NCKAP1: variants seen among roughly 807,000 people sequenced by gnomAD.
The protein encoded by NCKAP1 is nck-associated protein 1.
NCKAP1 carries 21 observed loss-of-function variants against 151.2 expected under a neutral mutation model. That is an observed-to-expected ratio of 0.14 (90% CI 0.10 to 0.20). The LOEUF is 0.20. Ranked by LOEUF, NCKAP1 falls within the 10% of genes least tolerant of loss-of-function variation. The pLI is 1.00. For missense variants in NCKAP1, 933 were observed against 1,352.1 expected (o/e 0.69, Z 4.86); for synonymous variants, 484 against 451.8 (o/e 1.07, Z -0.90).
In NCKAP1 at chr2:182,924,174, T is replaced by C. The variant is rs1696596935; in HGVS notation, c.*1528A>G. On this transcript the variant is annotated 3_prime_UTR_variant, in exon 31 of 31. Coordinates refer to ENST00000361354, the MANE Select transcript of NCKAP1 (RefSeq NM_013436.5). ...GGAACAAGTACAATTTTTCGACAGA[T>C]AGTGACAACTACTCCCTACTTTAAA... 6.6e-6 allele frequency: 1 copy of C among 152,200 alleles called. No individual in the cohort carries two copies. Among genetic ancestry groups the C allele is most frequent in the African/African-American group, 2.4e-5 (1 of 41,474 alleles). 9.4% of individuals were successfully genotyped at this position (152,200 alleles called of 1,614,324 possible).
chr2:182,942,416 A>G (rs1320054418), intron 23 of NCKAP1, among the ~76,000 whole-genome samples: 1 of 152,168 alleles, frequency 6.6e-6, no homozygotes, highest in African/African-American at 2.4e-5. Flanking sequence ...AAGTAGTAGG[A>G]TAAAGAATCA....
intron 2 of NCKAP1, 54 bp downstream of exon 2, chr2:183,023,750 ACT>A (rs1698838268): frequency 7.3e-7 from 1 of 1,375,052 alleles, no homozygotes; most frequent in African/African-American, 1.4e-5. Flanking sequence ...TGTGTTGACC[ACT>A]GTTTCTCTAA....
intron 23 of NCKAP1, among the ~76,000 whole-genome samples, chr2:182,944,318 T>C (rs911973160): frequency 1.8e-4 from 28 of 152,190 alleles, no homozygotes; most frequent in African/African-American, 6.5e-4. Flanking sequence ...TTAGTTGGTA[T>C]TGTGTTAAAA....
At chr2:183,015,752 C>T (rs1478614734) in intron 2 of NCKAP1, among the ~76,000 whole-genome samples, 1 of 149,456 alleles carries the variant, frequency 6.7e-6, no homozygotes, top group Non-Finnish European at 1.5e-5. Context: ...TAATTTTTTT[C>T]AACCAACATA....
intron 24 of NCKAP1, 26 bp downstream of exon 24, chr2:182,942,044 T>C (rs1426752541): frequency 6.4e-7 from 1 of 1,558,108 alleles, no homozygotes. Context: ...TTCTTATGTT[T>C]ATAAAAAGTA....
chr2:182,968,311 G>C (rs957385147), intron 15 of NCKAP1, among the ~76,000 whole-genome samples: 3 of 152,128 alleles, frequency 2.0e-5, no homozygotes, highest in Non-Finnish European at 4.4e-5. Flanking sequence ...TTTGAGTAAT[G>C]GTAGTTTAAA....
rs375546953 is a variant in NCKAP1 at position 183,028,635 on chromosome 2, A to G, written c.109-4719T>C. Among the ~76,000 whole-genome samples the G allele has an allele frequency of 2.6e-5, 4 of 152,314 alleles. No individual in the cohort carries two copies. In the East Asian group the frequency reaches 5.8e-4, roughly 22 times the overall value. ...TAACCCATAAATTGAGGATATTATT[A>G]CTACCTACTGCATAGGGTACACTGT... On this transcript the variant is annotated intron_variant, in intron 1 of 30. Coordinates refer to ENST00000361354, the MANE Select transcript of NCKAP1 (RefSeq NM_013436.5).
At chr2:183,023,390 C>T (rs1449371750) in intron 2 of NCKAP1, among the ~76,000 whole-genome samples, 1 of 152,032 alleles carries the variant, frequency 6.6e-6, no homozygotes, top group African/African-American at 2.4e-5. Context: ...ACTAGAAAAA[C>T]AAACACATTT....
intron 23 of NCKAP1, among the ~76,000 whole-genome samples, chr2:182,945,819 A>G (rs1319998776): frequency 6.6e-6 from 1 of 152,216 alleles, no homozygotes; most frequent in Non-Finnish European, 1.5e-5. Flanking sequence ...ACCCAAAGGA[A>G]TATAAATCAT....
At chr2:182,966,371 C>T (rs1002196163) in intron 16 of NCKAP1, among the ~76,000 whole-genome samples, 11 of 151,722 alleles carry the variant, frequency 7.3e-5, no homozygotes, top group East Asian at 1.9e-4. Flanking sequence ...CTGCAACCTC[C>T]GCCTCCCAGG....
At position 182,969,401 on chromosome 2, in the gene NCKAP1, A is replaced by T. The variant is rs79802392; in HGVS notation, c.1483-2040T>A. Among the ~76,000 whole-genome samples, 862 of 152,244 alleles carry T rather than the reference A, an allele frequency of 5.7e-3. 4 individuals carry two copies. The highest frequency in any genetic ancestry group is 0.02 in the African/African-American group (818 of 41,550). ...GAAACACATTAAAAATAGAAACACG[A>T]TATACCAAAACCTATGAAATACAGC... On this transcript the variant is annotated intron_variant, in intron 15 of 30. Transcript: ENST00000361354.
At chr2:182,925,857 TAAC>T (rs759859169) in intron 30 of NCKAP1, 39 bp from the exon 31 acceptor site, 61 of 1,153,988 alleles carry the variant, frequency 5.3e-5, no homozygotes, top group Non-Finnish European at 6.4e-5. Context: ...AAGTTATTTA[TAAC>T]TTGTTTATAA....
intron 23 of NCKAP1, among the ~76,000 whole-genome samples, chr2:182,950,760 C>T (rs1697197686): frequency 1.3e-5 from 2 of 152,136 alleles, no homozygotes; most frequent in African/African-American, 4.8e-5. Context: ...AAAGTACAAG[C>T]TTAAACATTT....
intron 9 of NCKAP1, among the ~76,000 whole-genome samples, chr2:182,987,832 A>G (rs562231154): frequency 6.6e-6 from 1 of 152,320 alleles, no homozygotes; most frequent in Admixed American, 6.5e-5. Context: ...TGCCATAAGA[A>G]TATCAGTATG....
chr2:182,948,014 C>T (rs1697142491), intron 23 of NCKAP1, among the ~76,000 whole-genome samples: 1 of 152,052 alleles, frequency 6.6e-6, no homozygotes, highest in Non-Finnish European at 1.5e-5. Context: ...TAGGAGAGAA[C>T]TCAAACAAAA....
chr2:182,932,660 T>C (rs1027164706), intron 26 of NCKAP1, among the ~76,000 whole-genome samples: 4 of 151,756 alleles, frequency 2.6e-5, no homozygotes, highest in African/African-American at 9.7e-5. Context: ...TTTTGTTTTT[T>C]GTTGTTTTTT....
chr2:183,034,376 G>T (rs1397853263), intron 1 of NCKAP1, among the ~76,000 whole-genome samples: 19 of 105,882 alleles, frequency 1.8e-4, no homozygotes, highest in Non-Finnish European at 1.3e-4. Context: ...TGTAATAGTT[G>T]TATGGGTTTT....
rs1559063478 is a variant in NCKAP1, at chr2:182,911,379, C to T, written c.*14323G>A. 6.6e-6 allele frequency: 1 copy of T among 152,134 alleles called. No individual in the cohort carries two copies. Among genetic ancestry groups the T allele is most frequent in the Non-Finnish European group, 1.5e-5 (1 of 68,034 alleles). 9.4% of individuals were successfully genotyped at this position (152,134 alleles called of 1,614,324 possible). A position where few individuals can be genotyped will look rare whatever the true frequency, so the allele number is the denominator to read the frequency against. ...CCTTACATAGTGGGGAATTCAAACA[C>T]ATGGGAAGGGGATTAATTCACAAAA... On this transcript the variant is annotated 3_prime_UTR_variant, in exon 31 of 31. Coordinates refer to ENST00000361354, the MANE Select transcript of NCKAP1 (RefSeq NM_013436.5).
intron 24 of NCKAP1, among the ~76,000 whole-genome samples, chr2:182,938,975 A>T (rs921023096): frequency 2.0e-5 from 3 of 152,246 alleles, no homozygotes; most frequent in Non-Finnish European, 4.4e-5. Context: ...GAACAATTTC[A>T]GGAAATAATA....
Sources: allele counts gnomAD v4.1 joint callset (sites outside exome capture counted in the v4.1 genomes callset), GRCh38; gene constraint gnomAD v4.1.1; transcripts MANE v1.5; gene names NCBI Gene and HGNC (gene_info 2026-07-23, HGNC 2026-07-21).